The following GRIA1 variants were observed in gnomAD, a reference collection of about 807,000 sequenced individuals.
The protein encoded by GRIA1 is glutamate receptor 1.
Under a neutral mutation model 99.2 loss-of-function variants are expected in GRIA1, and 31 were observed. That is an observed-to-expected ratio of 0.31 (90% CI 0.23 to 0.42). The LOEUF (loss-of-function observed/expected upper bound fraction) is 0.42. Among genes scored for constraint, GRIA1 ranks in the 10% least tolerant of loss-of-function variants. GRIA1 has a pLI of 1.00. For synonymous variants in GRIA1, 438 were observed against 432.4 expected, an observed-to-expected ratio of 1.01 and a Z score of -0.16; for missense variants, 782 against 1,157.5, an observed-to-expected ratio of 0.68 and a Z score of 4.71.
At chr5:153,580,263 G>T (rs1762932373) in intron 2 of GRIA1, among the ~76,000 whole-genome samples, 1 of 152,152 alleles carries the variant, frequency 6.6e-6, no homozygotes, top group Admixed American at 6.5e-5. Context: ...TGGAAGGGAG[G>T]TCTCTGTGAC....
intron 4 of GRIA1, among the ~76,000 whole-genome samples, chr5:153,652,248 G>A (rs1453395365): frequency 1.3e-5 from 2 of 152,110 alleles, no homozygotes; most frequent in Non-Finnish European, 2.9e-5. Context: ...ATAGTCGATG[G>A]AAAAAGTGCC....
intron 2 of GRIA1, among the ~76,000 whole-genome samples, chr5:153,603,126 T>C: frequency 6.6e-6 from 1 of 151,144 alleles, no homozygotes; most frequent in South Asian, 2.1e-4. Context: ...CCTGTGTCCA[T>C]GTGTTCTCAT....
At chr5:153,765,781 C>T (rs918305108) in intron 12 of GRIA1, among the ~76,000 whole-genome samples, 1 of 152,154 alleles carries the variant, frequency 6.6e-6, no homozygotes, top group Non-Finnish European at 1.5e-5. Flanking sequence ...CTAAGCACAC[C>T]CTACACAAAT....
chr5:153,670,077 T>A lies in GRIA1; in HGVS notation c.700-4423T>A, dbSNP rs559009655. On this transcript the variant is annotated intron_variant, in intron 5 of 15. Transcript: ENST00000285900. ...GTTATTTTGCAAAAGTGCCTCAAGG[T>A]ATTCTGATACGTCCCTCAGAACCAC... is the stretch of plus-strand genomic sequence containing the variant. 2.6e-5 allele frequency among the ~76,000 whole-genome samples: 4 copies of A among 152,330 alleles called. No individual in the cohort carries two copies. In the South Asian group the frequency reaches 6.2e-4, roughly 24 times the overall value.
At chr5:153,569,133 T>C (rs1007946469) in intron 2 of GRIA1, among the ~76,000 whole-genome samples, 2 of 152,220 alleles carry the variant, frequency 1.3e-5, no homozygotes, top group African/African-American at 4.8e-5. Context: ...TTGTAGTTCA[T>C]GGAGAACAGA....
At chr5:153,786,944 G>T (rs11745294) in intron 13 of GRIA1, among the ~76,000 whole-genome samples, 1 of 152,200 alleles carries the variant, frequency 6.6e-6, no homozygotes, top group South Asian at 2.1e-4. Flanking sequence ...ATTATCATAG[G>T]CTGGGCAGAA....
At chr5:153,810,508 C>A (rs191985833) in intron 15 of GRIA1, among the ~76,000 whole-genome samples, 2 of 152,236 alleles carry the variant, frequency 1.3e-5, no homozygotes, top group African/African-American at 4.8e-5. Flanking sequence ...ATTTTTCATG[C>A]GGTAGCACCA....
intron 8 of GRIA1, among the ~76,000 whole-genome samples, chr5:153,697,115 G>A (rs1461533023): frequency 6.6e-6 from 1 of 152,104 alleles, no homozygotes; most frequent in Non-Finnish European, 1.5e-5. Context: ...AAAGGTTTTG[G>A]TCCAGACCAT....
rs1438314968 is a variant in GRIA1, at chr5:153,597,689, T to TA, written c.221-49233dup. ...GTGCCAAAGGAAATACCAAGATGGC[T>TA]AAAAAACCATACTTGCCCTCAAGAA... On this transcript the variant is annotated intron_variant, in intron 2 of 15. Coordinates refer to ENST00000285900, the MANE Select transcript of GRIA1 (RefSeq NM_000827.4). 4.6e-5 allele frequency among the ~76,000 whole-genome samples: 7 copies of TA among 152,244 alleles called. No homozygotes were observed. In the South Asian group the frequency reaches 8.3e-4, roughly 18 times the overall value.
chr5:153,735,422 G>T (rs116333599), intron 11 of GRIA1, among the ~76,000 whole-genome samples: 49 of 152,104 alleles, frequency 3.2e-4, no homozygotes, highest in Admixed American at 2.0e-4. Flanking sequence ...ACTGGGGGTC[G>T]CATACACCAG....
At chr5:153,585,467 C>A (rs531411621) in intron 2 of GRIA1, among the ~76,000 whole-genome samples, 240 of 152,068 alleles carry the variant, frequency 1.6e-3, no homozygotes, top group Middle Eastern at 3.4e-3. Context: ...CACAACCATG[C>A]CCAGCTAATT....
chr5:153,765,623 C>T (rs763091972), intron 12 of GRIA1, among the ~76,000 whole-genome samples: 3 of 152,026 alleles, frequency 2.0e-5, no homozygotes, highest in African/African-American at 4.8e-5. Flanking sequence ...GGACAGACAC[C>T]GAGAAGCAGG....
chr5:153,667,692 A>G (rs757268011), intron 5 of GRIA1, among the ~76,000 whole-genome samples: 6 of 152,230 alleles, frequency 3.9e-5, no homozygotes, highest in Non-Finnish European at 7.3e-5. Flanking sequence ...AGAGAGGTTA[A>G]GTAACCAGTA....
intron 11 of GRIA1, among the ~76,000 whole-genome samples, chr5:153,724,589 A>C (rs1475889079): frequency 6.6e-6 from 1 of 152,280 alleles, no homozygotes; most frequent in Non-Finnish European, 1.5e-5. Flanking sequence ...CTTGAGAACT[A>C]CGTGAAGAAT....
intron 13 of GRIA1, among the ~76,000 whole-genome samples, chr5:153,794,040 T>C (rs1581667354): frequency 6.6e-6 from 1 of 152,250 alleles, no homozygotes; most frequent in East Asian, 1.9e-4. Context: ...GACTCTGTCC[T>C]CTTCTACTTC....
chr5:153,645,590 A>T (rs1239024891), intron 2 of GRIA1, among the ~76,000 whole-genome samples: 1 of 152,208 alleles, frequency 6.6e-6, no homozygotes, highest in South Asian at 2.1e-4. Flanking sequence ...ACTCTAAAAC[A>T]GGGACAAAGT....
At chr5:153,505,997 G>T (rs1331780142) in intron 2 of GRIA1, among the ~76,000 whole-genome samples, 1 of 152,120 alleles carries the variant, frequency 6.6e-6, no homozygotes, top group Non-Finnish European at 1.5e-5. Flanking sequence ...CAGCCCCATG[G>T]GCAACTTGGA....
At chr5:153,595,158 G>A (rs1357439494) in intron 2 of GRIA1, among the ~76,000 whole-genome samples, 1 of 152,040 alleles carries the variant, frequency 6.6e-6, no homozygotes, top group Non-Finnish European at 1.5e-5. Flanking sequence ...TGTGATTTAT[G>A]TGAGTTTGGG....
intron 15 of GRIA1, among the ~76,000 whole-genome samples, chr5:153,804,732 A>ATTTATTT (rs1561874880): frequency 1.0e-3 from 76 of 76,120 alleles, no homozygotes; most frequent in African/African-American, 2.8e-3. Context: ...TTAATTAATT[A>ATTTATTT]ATTTATTTAT....
Sources: gnomAD v4.1 joint callset for allele counts (sites outside exome capture counted in the v4.1 genomes callset) on GRCh38, gnomAD v4.1.1 for gene constraint, MANE v1.5 for transcripts, NCBI Gene and HGNC (gene_info 2026-07-23, HGNC 2026-07-21) for gene names.